Variants in LSR observed in about 807,000 individuals in gnomAD.
LSR encodes lipolysis stimulated lipoprotein receptor, also known as lipolysis-stimulated lipoprotein receptor.
A neutral mutation model predicts 61.8 loss-of-function variants in LSR; 44 were observed. The ratio of observed to expected loss-of-function variants is 0.71; its 90% confidence interval spans 0.56 to 0.91. LSR has a LOEUF of 0.91. Among genes scored for constraint, LSR ranks in the 40% least tolerant of loss-of-function variants. The pLI is 0.00. For missense variants in LSR, 911 were observed against 830.5 expected (o/e 1.10, Z -1.19); for synonymous variants, 397 against 350.6 (o/e 1.13, Z -1.48).
chr19:35,267,147 C>T lies in LSR; in HGVS notation c.1183C>T (p.Arg395Ter), dbSNP rs1242049601. 6.5e-6 allele frequency: 10 copies of T among 1,529,486 alleles called. No individual in the cohort carries two copies. Among genetic ancestry groups the T allele is most frequent in the Non-Finnish European group, 8.8e-6 (10 of 1,142,802 alleles). The allele number at this position is 1,529,486 out of a possible 1,614,324, so 94.7% of individuals were successfully genotyped here. A position where few individuals can be genotyped will look rare whatever the true frequency, so the allele number is the denominator to read the frequency against. The change falls in exon 9 of 10, where the codon CGA becomes TGA. Residue 395 changes from arginine (R) to a stop codon, truncating the protein, a stop_gained. Coordinates refer to ENST00000605618, the MANE Select transcript of LSR (RefSeq NM_205834.4). LOFTEE classifies it high-confidence loss of function. The part of the protein sequence containing the change: ...EVTSLHEDDW[R>*]SRPSRGPALT... ...CACCTCCCTCCACGAGGACGACTGG[C>T]GATCTCGGCCTTCCCGGGGCCCTGC... is the stretch of plus-strand genomic sequence containing the variant.
At chr19:35,256,093 T>C (rs2065853001) in intron 2 of LSR, among the ~76,000 whole-genome samples, 1 of 151,940 alleles carries the variant, frequency 6.6e-6, no homozygotes, top group African/African-American at 2.4e-5. Context: ...AATTAGCCAG[T>C]TATGTTGGCA....
At chr19:35,259,146 C>G in intron 3 of LSR, 82 bp downstream of exon 3, 1 of 1,528,056 alleles carries the variant, frequency 6.5e-7, no homozygotes. Flanking sequence ...TGTCCGCCCT[C>G]TGCCCTCCAG....
rs775417535 is a variant in LSR, at chr19:35,267,563, C to T, written c.1599C>T (p.Ser533=). ...ACCCTCGGGACAACGGCTCCAGGTC[C>T]GGGGACCTCCCCTATGATGGGCGGC... The part of the protein sequence containing the change: ...TRDPRDNGSR[S]GDLPYDGRLL... The change falls in exon 9 of 10, where the codon TCC becomes TCT. Residue 533 remains serine, a synonymous_variant. Transcript: ENST00000605618. 66 of 1,612,246 alleles carry T rather than the reference C, an allele frequency of 4.1e-5. No individual in the cohort carries two copies. The East Asian group carries it at 5.1e-4, about 13-fold the overall frequency.
At chr19:35,262,036 C>G in intron 4 of LSR, 55 bp downstream of exon 4, 1 of 1,414,542 alleles carries the variant, frequency 7.1e-7, no homozygotes, top group Non-Finnish European at 9.6e-7. Flanking sequence ...ACATCACCTA[C>G]TGCTTCTGAC....
Position 35,267,907 on chromosome 19 carries a change from G to T in LSR, c.*48G>T. The T allele has an allele frequency of 6.3e-7, 1 of 1,585,752 alleles. No homozygotes were observed. The highest frequency in any genetic ancestry group is 8.7e-7 in the Non-Finnish European group (1 of 1,155,620). The stretch of plus-strand genomic sequence containing the variant: ...TTGTATTTTTTTTTTTAATTTGAAG[G>T]AACACTGATGAAGCCCTGCCATACC... On this transcript the variant is annotated 3_prime_UTR_variant, in exon 10 of 10. Coordinates refer to ENST00000605618, the MANE Select transcript of LSR (RefSeq NM_205834.4).
intron 7 of LSR, 40 bp downstream of exon 7, chr19:35,266,778 G>C (rs746839816): frequency 6.2e-7 from 1 of 1,609,252 alleles, no homozygotes; most frequent in Non-Finnish European, 8.5e-7. Context: ...TGCCTGTAAG[G>C]GAGAGGGGTG....
Position 35,258,933 on chromosome 19 carries a change from A to G in LSR, c.455-12A>G. The G allele has an allele frequency of 1.2e-6, 2 of 1,613,578 alleles. No homozygotes were observed. Among genetic ancestry groups the G allele is most frequent in the East Asian group, 2.2e-5 (1 of 44,850 alleles). On this transcript the variant is annotated splice_polypyrimidine_tract_variant and intron_variant, in intron 2 of 9. Coordinates refer to ENST00000605618, the MANE Select transcript of LSR (RefSeq NM_205834.4). ...CTCCAAGGTGCCCTCACGCCTTTTC[A>G]TCCCGACTCAGATGCTGACCTGACC...
chr19:35,251,516 C>T (rs1290773844), intron 2 of LSR: 18 of 152,232 alleles, frequency 1.2e-4, no homozygotes, highest in African/African-American at 4.3e-4. Context: ...GAGAAAGTGA[C>T]TTGCCTAGTG....
At position 35,250,287 on chromosome 19, in the gene LSR, C is replaced by T; in HGVS notation, c.110-28C>T. 3 of 1,464,454 alleles carry T rather than the reference C, an allele frequency of 2.0e-6. No individual in the cohort carries two copies. In the South Asian group the frequency reaches 4.1e-5, roughly 20 times the overall value. The allele number at this position is 1,464,454 out of a possible 1,614,324, so 90.7% of individuals were successfully genotyped here. A position where few individuals can be genotyped will look rare whatever the true frequency, so the allele number is the denominator to read the frequency against. On this transcript the variant is annotated intron_variant, in intron 1 of 9. Transcript: ENST00000605618. Reference sequence around the variant, plus strand: ...AAGCACCTCCCTGAGCTCACAGCAACCCTTGCTGTCTCTCCTCTTGCCCTC... The same window carrying T: ...AAGCACCTCCCTGAGCTCACAGCAATCCTTGCTGTCTCTCCTCTTGCCCTC...
intron 2 of LSR, among the ~76,000 whole-genome samples, chr19:35,252,238 A>G (rs2065803257): frequency 6.6e-6 from 1 of 152,124 alleles, no homozygotes; most frequent in Admixed American, 6.6e-5. Flanking sequence ...AGCATCGACT[A>G]TGTGTCGTTG....
In LSR at chr19:35,267,834, T is replaced by G. The variant is rs1230720596; in HGVS notation, c.1781T>G (p.Leu594Arg). 2.5e-6 allele frequency: 4 copies of G among 1,613,866 alleles called. No homozygotes were observed. The highest frequency in any genetic ancestry group is 3.4e-6 in the Non-Finnish European group (4 of 1,179,908). Residue 594 changes from leucine (L) to arginine (R), a missense_variant, in exon 10 of 10, where the codon CTG becomes CGG. Transcript: ENST00000605618. ...RERRLKKNLA[L>R]SRESLVV ...CTTTCTCCCTTGCAGAACTTGGCCC[T>G]GAGTCGGGAAAGTTTAGTCGTCTGA...
At chr19:35,258,487 G>GC (rs1484276633) in intron 2 of LSR, among the ~76,000 whole-genome samples, 1 of 151,800 alleles carries the variant, frequency 6.6e-6, no homozygotes, top group Non-Finnish European at 1.5e-5. Context: ...ATGGTGGAGT[G>GC]CCTGTAGTCC....
At chr19:35,259,815 A>ACACTGTG (rs2065903434) in intron 3 of LSR, among the ~76,000 whole-genome samples, 1 of 152,220 alleles carries the variant, frequency 6.6e-6, no homozygotes, top group African/African-American at 2.4e-5. Flanking sequence ...CATGGCACAC[A>ACACTGTG]CACTGTGTAA....
intron 4 of LSR, 79 bp from the exon 5 acceptor site, chr19:35,262,467 C>T (rs554315858): frequency 4.0e-5 from 61 of 1,525,608 alleles, no homozygotes; most frequent in African/African-American, 1.9e-4. Context: ...GTGCTGGCTC[C>T]GCACCATGTA....
At chr19:35,261,547 C>T (rs1380194637) in intron 3 of LSR, among the ~76,000 whole-genome samples, 2 of 152,118 alleles carry the variant, frequency 1.3e-5, no homozygotes, top group Admixed American at 6.5e-5. Flanking sequence ...GATCCTATTT[C>T]GTGGGCCCTA....
At chr19:35,264,680 C>T (rs1455343759) in intron 5 of LSR, 1 of 152,336 alleles carries the variant, frequency 6.6e-6, no homozygotes, top group South Asian at 2.1e-4. Context: ...GAGCTGAGGC[C>T]TGCTTGACAC....
intron 2 of LSR, among the ~76,000 whole-genome samples, chr19:35,258,455 C>CA (rs55838205): frequency 0.14 from 17,175 of 120,762 alleles, 1,155 homozygotes; most frequent in South Asian, 0.25. Context: ...CCGATTCAAA[C>CA]AAAAAAAAAA....
At chr19:35,253,812 G>A (rs1385452616) in intron 2 of LSR, among the ~76,000 whole-genome samples, 1 of 152,176 alleles carries the variant, frequency 6.6e-6, no homozygotes, top group African/African-American at 2.4e-5. Context: ...CTTCTGCCAG[G>A]ACAAGCCAAA....
In LSR at chr19:35,266,948, C is replaced by A. The variant is rs150512507; in HGVS notation, c.1125C>A (p.Pro375=). ...TCGACCCTTCTCGACCTGGCCCCCCCAGTGGCCGTGTGGAGCGGGGTAAGC... is the reference window on the plus strand; with the variant it reads ...TCGACCCTTCTCGACCTGGCCCCCCAAGTGGCCGTGTGGAGCGGGGTAAGC... ...ANFDPSRPGP[P]SGRVERAMSE... is the part of the protein sequence containing the mutation. The change falls in exon 8 of 10, where the codon CCC becomes CCA. Residue 375 remains proline (P), a synonymous_variant. Coordinates refer to ENST00000605618, the MANE Select transcript of LSR (RefSeq NM_205834.4). 6 of 1,613,160 alleles carry A rather than the reference C, an allele frequency of 3.7e-6. No homozygotes were observed. In the African/African-American group the frequency reaches 5.3e-5, roughly 14 times the overall value.
Sources: gnomAD v4.1 joint callset for allele counts (sites outside exome capture counted in the v4.1 genomes callset) on GRCh38, gnomAD v4.1.1 for gene constraint, MANE v1.5 for transcripts, NCBI Gene and HGNC (gene_info 2026-07-23, HGNC 2026-07-21) for gene names.